Variants in KCNH7 observed in about 807,000 individuals in gnomAD.
The protein encoded by KCNH7 is potassium voltage-gated channel subfamily H member 7.
Under a neutral mutation model 120.8 loss-of-function variants are expected in KCNH7, and 49 were observed. That is an observed-to-expected ratio of 0.41 (90% CI 0.32 to 0.51). The LOEUF (loss-of-function observed/expected upper bound fraction) is 0.51, where lower values mean the gene tolerates loss of function less well. Ranked by LOEUF, KCNH7 falls within the 20% of genes least tolerant of loss-of-function variation. KCNH7 has a pLI of 0.38. For synonymous variants in KCNH7, 547 were observed against 516.1 expected, an observed-to-expected ratio of 1.06 and a Z score of -0.81; for missense variants, 1,097 against 1,446.6, an observed-to-expected ratio of 0.76 and a Z score of 3.92.
At chr2:162,651,834 T>C (rs922573012) in intron 2 of KCNH7, among the ~76,000 whole-genome samples, 4 of 152,228 alleles carry the variant, frequency 2.6e-5, no homozygotes, top group Non-Finnish European at 4.4e-5. Flanking sequence ...GGTAGAAGTG[T>C]TCCCTGTTCT....
intron 2 of KCNH7, among the ~76,000 whole-genome samples, chr2:162,675,979 A>T (rs1179678861): frequency 6.6e-6 from 1 of 151,510 alleles, no homozygotes; most frequent in Non-Finnish European, 1.5e-5. Context: ...TTCAATTACT[A>T]TATTAAATAC....
At chr2:162,706,549 A>G (rs1184946354) in intron 2 of KCNH7, among the ~76,000 whole-genome samples, 1 of 152,126 alleles carries the variant, frequency 6.6e-6, no homozygotes, top group Non-Finnish European at 1.5e-5. Flanking sequence ...AGGAGCTCAG[A>G]TAAGAGTAAA....
chr2:162,503,839 A>G (rs1240610804), intron 6 of KCNH7, among the ~76,000 whole-genome samples: 1 of 152,062 alleles, frequency 6.6e-6, no homozygotes, highest in Non-Finnish European at 1.5e-5. Context: ...ATATTGATAT[A>G]ATAAGTAGAA....
chr2:162,486,309 G>A (rs1156832132), intron 6 of KCNH7, among the ~76,000 whole-genome samples: 1 of 152,156 alleles, frequency 6.6e-6, no homozygotes, highest in Non-Finnish European at 1.5e-5. Context: ...AAATGTGGTA[G>A]GGGATCAGCT....
At position 162,477,820 on chromosome 2, in the gene KCNH7, C is replaced by T. The variant is rs1389026996; in HGVS notation, c.1128+26623G>A. Reference sequence around the variant, plus strand: ...TATAGCCTTCTGCCCAAACATCTATCCATCCATCCATCCATCCATCCATCC... The same window carrying T: ...TATAGCCTTCTGCCCAAACATCTATTCATCCATCCATCCATCCATCCATCC... On this transcript the variant is annotated intron_variant, in intron 6 of 15. Transcript: ENST00000332142. Among the ~76,000 whole-genome samples the T allele has an allele frequency of 2.0e-5, 3 of 149,292 alleles. No homozygotes were observed. In the East Asian group the frequency reaches 6.0e-4, roughly 30 times the overall value.
chr2:162,685,820 A>T (rs1685870863), intron 2 of KCNH7, among the ~76,000 whole-genome samples: 1 of 152,064 alleles, frequency 6.6e-6, no homozygotes, highest in African/African-American at 2.4e-5. Flanking sequence ...AGAAAGAAAG[A>T]TACACAACTA....
chr2:162,809,025 C>T (rs11897829), intron 2 of KCNH7, among the ~76,000 whole-genome samples: 3,676 of 152,156 alleles, frequency 0.024, 139 homozygotes, highest in African/African-American at 0.078. Context: ...CTTTTCTAAC[C>T]TATTAAAAAT....
intron 2 of KCNH7, among the ~76,000 whole-genome samples, chr2:162,717,855 C>T (rs1293553640): frequency 6.6e-6 from 1 of 151,818 alleles, no homozygotes; most frequent in Non-Finnish European, 1.5e-5. Context: ...ATAAACAGTC[C>T]CTAAAGAATA....
rs767300191 is a variant in KCNH7, at chr2:162,396,884, T to C, written c.2469A>G (p.Ala823=). The C allele has an allele frequency of 2.5e-6, 4 of 1,611,488 alleles. No individual in the cohort carries two copies. Among genetic ancestry groups the C allele is most frequent in the Admixed American group, 1.7e-5 (1 of 59,780 alleles). ...HLYAKPGKSN[A]DVRALTYCDL... is the part of the protein sequence containing the mutation. The stretch of plus-strand genomic sequence containing the variant: ...CACAGTATGTGAGGGCTCTTACATC[T>C]GCATTAGACTTTCCAGGTTTGGCAT... Residue 823 remains alanine (A), a synonymous_variant, in exon 11 of 16, where the codon GCA becomes GCG. Coordinates refer to ENST00000332142, the MANE Select transcript of KCNH7 (RefSeq NM_033272.4).
intron 8 of KCNH7, among the ~76,000 whole-genome samples, chr2:162,431,237 ATTAGAG>A (rs1688056071): frequency 6.6e-6 from 1 of 152,042 alleles, no homozygotes; most frequent in Admixed American, 6.6e-5. Context: ...TAGAATAAAG[ATTAGAG>A]TTAAACACAG....
At chr2:162,477,906 G>T (rs1689802171) in intron 6 of KCNH7, among the ~76,000 whole-genome samples, 1 of 151,868 alleles carries the variant, frequency 6.6e-6, no homozygotes, top group Admixed American at 6.6e-5. Context: ...GGAAAACTAT[G>T]AGAAACAAAA....
chr2:162,375,063 A>G (rs879142728), intron 14 of KCNH7, among the ~76,000 whole-genome samples: 1 of 152,128 alleles, frequency 6.6e-6, no homozygotes, highest in Non-Finnish European at 1.5e-5. Flanking sequence ...CCCAGCTTAT[A>G]TGTTATCTGT....
At chr2:162,464,050 TAACCAACTATC>T (rs954502644) in intron 6 of KCNH7, among the ~76,000 whole-genome samples, 53 of 152,114 alleles carry the variant, frequency 3.5e-4, no homozygotes, top group African/African-American at 1.2e-3. Flanking sequence ...CTTCTTTTGT[TAACCAACTATC>T]AACCAAAGTC....
At chr2:162,794,116 T>C (rs550362843) in intron 2 of KCNH7, among the ~76,000 whole-genome samples, 1 of 152,068 alleles carries the variant, frequency 6.6e-6, no homozygotes, top group African/African-American at 2.4e-5. Context: ...TTTACCTGTT[T>C]CTCATTTAGA....
intron 2 of KCNH7, among the ~76,000 whole-genome samples, chr2:162,808,323 A>T (rs1684620208): frequency 6.6e-6 from 1 of 152,146 alleles, no homozygotes; most frequent in Admixed American, 6.5e-5. Context: ...CGTTCCATAA[A>T]TGCCAGACAC....
chr2:162,698,049 A>C (rs1395476425), intron 2 of KCNH7, among the ~76,000 whole-genome samples: 4 of 152,164 alleles, frequency 2.6e-5, no homozygotes, highest in Non-Finnish European at 5.9e-5. Flanking sequence ...TGGATTCAAC[A>C]TTCACATAGT....
At chr2:162,433,464 A>T (rs929500791) in intron 8 of KCNH7, among the ~76,000 whole-genome samples, 8 of 152,104 alleles carry the variant, frequency 5.3e-5, no homozygotes, top group Non-Finnish European at 1.2e-4. Flanking sequence ...GAAAACCCAG[A>T]AATAAAGCTG....
chr2:162,570,380 T>C (rs925452117), intron 2 of KCNH7, among the ~76,000 whole-genome samples: 1 of 140,290 alleles, frequency 7.1e-6, no homozygotes, highest in Non-Finnish European at 1.6e-5. Context: ...TTCCATTTGC[T>C]TGGTAGATCT....
intron 9 of KCNH7, among the ~76,000 whole-genome samples, chr2:162,414,492 C>T (rs1191285395): frequency 1.3e-5 from 2 of 151,128 alleles, no homozygotes; most frequent in African/African-American, 4.9e-5. Context: ...ATGTACATGC[C>T]ATTAAAAGGA....
Sources: gnomAD v4.1 joint callset for allele counts (sites outside exome capture counted in the v4.1 genomes callset) on GRCh38, gnomAD v4.1.1 for gene constraint, MANE v1.5 for transcripts, NCBI Gene and HGNC (gene_info 2026-07-23, HGNC 2026-07-21) for gene names.